The following PHF3 variants were observed in gnomAD, a reference collection of about 807,000 sequenced individuals.
The protein encoded by PHF3 is PHD finger protein 3.
PHF3 carries 41 observed loss-of-function variants against 178.4 expected under a neutral mutation model. The observed-to-expected ratio is 0.23, with a 90% CI of 0.18 to 0.30. The LOEUF is 0.30. Ranked by LOEUF, PHF3 falls within the 10% of genes least tolerant of loss-of-function variation. PHF3 has a pLI of 1.00. For synonymous variants in PHF3, 842 were observed against 800.5 expected, an observed-to-expected ratio of 1.05 and a Z score of -0.88; for missense variants, 2,346 against 2,398.1, an observed-to-expected ratio of 0.98 and a Z score of 0.45.
At chr6:63,678,284 T>A (rs1408071893) in intron 2 of PHF3, among the ~76,000 whole-genome samples, 1 of 151,712 alleles carries the variant, frequency 6.6e-6, no homozygotes, top group African/African-American at 2.4e-5. Flanking sequence ...CCTGAGGATG[T>A]ATGTGAATGT....
intron 1 of PHF3, chr6:63,636,638 C>G (rs1256928100): frequency 6.6e-6 from 1 of 152,406 alleles, no homozygotes; most frequent in South Asian, 2.1e-4. Flanking sequence ...CTGGCCCTGG[C>G]TGCTAGGCTG....
At chr6:63,665,813 G>GT (rs1052546139) in intron 2 of PHF3, among the ~76,000 whole-genome samples, 1 of 152,014 alleles carries the variant, frequency 6.6e-6, no homozygotes, top group African/African-American at 2.4e-5. Flanking sequence ...ACAGTCTACT[G>GT]TTTTTACAAA....
At chr6:63,692,920 G>C (rs1046925214) in intron 5 of PHF3, among the ~76,000 whole-genome samples, 2 of 152,200 alleles carry the variant, frequency 1.3e-5, no homozygotes, top group Non-Finnish European at 2.9e-5. Context: ...AGTTAATTTA[G>C]ATTGAAGAGC....
intron 1 of PHF3, among the ~76,000 whole-genome samples, chr6:63,640,275 C>G (rs1340327420): frequency 6.6e-6 from 1 of 152,080 alleles, no homozygotes; most frequent in East Asian, 1.9e-4. Flanking sequence ...ACTCTGTCCT[C>G]GAAGGATGGA....
chr6:63,704,289 T>G (rs1767601309), intron 11 of PHF3, among the ~76,000 whole-genome samples: 1 of 152,010 alleles, frequency 6.6e-6, no homozygotes, highest in Non-Finnish European at 1.5e-5. Context: ...ACTCTTAGAG[T>G]TGTTCATTCT....
rs765617652 is a variant in PHF3, at chr6:63,691,856, G to C, written c.2309G>C (p.Cys770Ser). The C allele has an allele frequency of 1.2e-6, 2 of 1,613,710 alleles. No individual in the cohort carries two copies. The highest frequency in any genetic ancestry group is 1.7e-6 in the Non-Finnish European group (2 of 1,179,906). Residue 770 changes from cysteine to serine, a missense_variant, in exon 5 of 16, where the codon TGT (cysteine) becomes TCT (serine). Around this residue, in one of 8 missense-constraint regions of PHF3, gnomAD observed 72 missense variants for 110.5 expected, o/e 0.65. Coordinates refer to ENST00000262043, the MANE Select transcript of PHF3 (RefSeq NM_001370348.2). ...EDKEYVCVKC[C>S]AEEDKKTEIL... The stretch of plus-strand genomic sequence containing the variant: ...AAAGAATATGTCTGTGTAAAATGTT[G>C]TGCTGAAGAAGACAAAAAGACTGAA...
chr6:63,720,744 A>C lies in PHF3; in HGVS notation c.*7036A>C. ...AAAAATCTCTTGAGTAACGATATTT[A>C]CCTTTCTACCATATTCAAAGCCCCC... On this transcript the variant is annotated 3_prime_UTR_variant, in exon 16 of 16. Coordinates refer to ENST00000262043, the MANE Select transcript of PHF3 (RefSeq NM_001370348.2). 2 of 1,549,684 alleles carry C rather than the reference A, an allele frequency of 1.3e-6. No homozygotes were observed. The highest frequency in any genetic ancestry group is 1.7e-6 in the Non-Finnish European group (2 of 1,146,144).
chr6:63,700,359 A>T lies in PHF3; in HGVS notation c.2992A>T (p.Lys998Ter). 1 of 1,523,638 alleles carries T rather than the reference A, an allele frequency of 6.6e-7. No homozygotes were observed. Among genetic ancestry groups the T allele is most frequent in the Non-Finnish European group, 9.0e-7 (1 of 1,108,184 alleles). 94.4% of individuals were successfully genotyped at this position (1,523,638 alleles called of 1,614,324 possible). A position where few individuals can be genotyped will look rare whatever the true frequency, so the allele number is the denominator to read the frequency against. ...LKDPKNNILF[K>*]KVLKGEVTPD... ...TTTAAAATCCTTCCAGATATTATTT[A>T]AAAAAGTACTGAAAGGAGAAGTAAC... is the stretch of plus-strand genomic sequence containing the variant. The change falls in exon 9 of 16, where the codon AAA becomes TAA. Residue 998 changes from lysine (K) to a stop codon, truncating the protein, a stop_gained. Coordinates refer to ENST00000262043, the MANE Select transcript of PHF3 (RefSeq NM_001370348.2). LOFTEE classifies it high-confidence loss of function.
chr6:63,719,429 A>G lies in PHF3; in HGVS notation c.*5721A>G, dbSNP rs954385135. Among the ~76,000 whole-genome samples, 1 of 152,004 alleles carries G rather than the reference A, an allele frequency of 6.6e-6. No homozygotes were observed. The highest frequency in any genetic ancestry group is 1.5e-5 in the Non-Finnish European group (1 of 67,962). On this transcript the variant is annotated 3_prime_UTR_variant, in exon 16 of 16. Transcript: ENST00000262043. Reference sequence around the variant, plus strand: ...TAAGATTTTTTTCTCCAGATGACCTATTCTACCTGTTAGTTCACCAAGTCA... The same window carrying G: ...TAAGATTTTTTTCTCCAGATGACCTGTTCTACCTGTTAGTTCACCAAGTCA...
chr6:63,698,248 AAAG>A lies in PHF3; in HGVS notation c.2712_2714del (p.Lys905del). 1 of 1,611,752 alleles carries A rather than the reference AAAG, an allele frequency of 6.2e-7. No homozygotes were observed. The highest frequency in any genetic ancestry group is 8.5e-7 in the Non-Finnish European group (1 of 1,178,508). On this transcript the variant is annotated inframe_deletion, in exon 7 of 16. Transcript: ENST00000262043. ...GTACTCATGAGAAGCAAGAGATGAAAAAGAAGAAAGTTGAAAAAGGAGTGCTTA... is the reference window on the plus strand; with the variant it reads ...GTACTCATGAGAAGCAAGAGATGAAAAAGAAAGTTGAAAAAGGAGTGCTTA...
chr6:63,653,683 C>T (rs765422391), intron 2 of PHF3, among the ~76,000 whole-genome samples: 1 of 151,946 alleles, frequency 6.6e-6, no homozygotes, highest in Non-Finnish European at 1.5e-5. Context: ...AGTACTGTGT[C>T]GAATGAAAAT....
chr6:63,688,028 C>T (rs1439069129), intron 4 of PHF3, among the ~76,000 whole-genome samples: 1 of 151,470 alleles, frequency 6.6e-6, no homozygotes, highest in Non-Finnish European at 1.5e-5. Context: ...ACTAAAAATA[C>T]AAAAAATTAG....
Position 63,720,576 on chromosome 6 carries a change from C to T in PHF3, c.*6868C>T. The T allele has an allele frequency of 2.1e-6, 3 of 1,435,470 alleles. No individual in the cohort carries two copies. Among genetic ancestry groups the T allele is most frequent in the African/African-American group, 1.4e-5 (1 of 69,512 alleles). 88.9% of individuals were successfully genotyped at this position (1,435,470 alleles called of 1,614,324 possible). A position where few individuals can be genotyped will look rare whatever the true frequency, so the allele number is the denominator to read the frequency against. ...TAACTGCATTTATGTATAGTGTGTACTAAAATCTCTAGTGTTAACTTATGT... is the reference window on the plus strand; with the variant it reads ...TAACTGCATTTATGTATAGTGTGTATTAAAATCTCTAGTGTTAACTTATGT... On this transcript the variant is annotated 3_prime_UTR_variant, in exon 16 of 16. Coordinates refer to ENST00000262043, the MANE Select transcript of PHF3 (RefSeq NM_001370348.2).
chr6:63,676,020 C>A (rs1766150171), intron 2 of PHF3, among the ~76,000 whole-genome samples: 1 of 152,094 alleles, frequency 6.6e-6, no homozygotes, highest in Non-Finnish European at 1.5e-5. Context: ...GTTGCTTTAC[C>A]TTGATGCATC....
intron 2 of PHF3, among the ~76,000 whole-genome samples, chr6:63,670,020 CT>C (rs1252168230): frequency 9.2e-5 from 14 of 151,832 alleles, no homozygotes; most frequent in African/African-American, 2.9e-4. Flanking sequence ...CTTTAATATA[CT>C]TGATGAAAGT....
In PHF3 at chr6:63,718,281, G is replaced by A. The variant is rs1768249591; in HGVS notation, c.*4573G>A. Among the ~76,000 whole-genome samples, 1 of 151,938 alleles carries A rather than the reference G, an allele frequency of 6.6e-6. No individual in the cohort carries two copies. The highest frequency in any genetic ancestry group is 2.4e-5 in the African/African-American group (1 of 41,442). ...TACAGGTAGAAAAGTTATAAAATCT[G>A]AACGTAAAATTGCAACTGTGAAAAG... On this transcript the variant is annotated 3_prime_UTR_variant, in exon 16 of 16. Coordinates refer to ENST00000262043, the MANE Select transcript of PHF3 (RefSeq NM_001370348.2).
chr6:63,647,729 C>T (rs921634725), intron 2 of PHF3, among the ~76,000 whole-genome samples: 18 of 152,032 alleles, frequency 1.2e-4, no homozygotes, highest in African/African-American at 4.3e-4. Flanking sequence ...GTATAAAAAA[C>T]AGTTTTTCTT....
Position 63,715,640 on chromosome 6 carries a change from C to A in PHF3, c.*1932C>A, listed in dbSNP as rs1375492783. ...CTAAAATTCTTTAATCAGTTCTGATCGAATCTTGATACATGTTTTTAAAAT... is the reference window on the plus strand; with the variant it reads ...CTAAAATTCTTTAATCAGTTCTGATAGAATCTTGATACATGTTTTTAAAAT... On this transcript the variant is annotated 3_prime_UTR_variant, in exon 16 of 16. Transcript: ENST00000262043. 6.6e-6 allele frequency among the ~76,000 whole-genome samples: 1 copy of A among 152,056 alleles called. No individual in the cohort carries two copies. Among genetic ancestry groups the A allele is most frequent in the African/African-American group, 2.4e-5 (1 of 41,412 alleles).
chr6:63,687,099 C>CT (rs1381853194), intron 4 of PHF3, among the ~76,000 whole-genome samples: 2 of 152,162 alleles, frequency 1.3e-5, no homozygotes, highest in Non-Finnish European at 2.9e-5. Context: ...CTTACATGCT[C>CT]TTAATTATAT....
Sources: gnomAD v4.1 joint callset for allele counts (sites outside exome capture counted in the v4.1 genomes callset) on GRCh38, gnomAD v4.1.1 for gene constraint, gnomAD v4.1.1 regional missense constraint, MANE v1.5 for transcripts, NCBI Gene and HGNC (gene_info 2026-07-23, HGNC 2026-07-21) for gene names.